DPYD: variants seen among roughly 807,000 people sequenced by gnomAD.
DPYD encodes dihydropyrimidine dehydrogenase.
Under a neutral mutation model 116.2 loss-of-function variants are expected in DPYD, and 109 were observed. The ratio of observed to expected loss-of-function variants is 0.94; its 90% CI spans 0.80 to 1.10. The LOEUF (loss-of-function observed/expected upper bound fraction) is 1.10. Ranked by LOEUF, DPYD falls within the 50% of genes least tolerant of loss-of-function variation. The pLI is 0.00. For synonymous variants in DPYD, 440 were observed against 432.0 expected (o/e 1.02, Z -0.23); for missense variants, 1,302 against 1,254.5 (o/e 1.04, Z -0.57).
At chr1:97,406,063 C>A (rs1416616404) in intron 14 of DPYD, among the ~76,000 whole-genome samples, 1 of 152,044 alleles carries the variant, frequency 6.6e-6, no homozygotes, top group African/African-American at 2.4e-5. Context: ...GACTTGTCTG[C>A]ACTGATCCTC....
At chr1:97,344,687 T>C (rs1161575423) in intron 16 of DPYD, among the ~76,000 whole-genome samples, 3 of 151,890 alleles carry the variant, frequency 2.0e-5, no homozygotes, top group Non-Finnish European at 4.4e-5. Context: ...TCACTGTTTT[T>C]TATAGTGACA....
At chr1:97,273,903 A>C (rs1664757605) in intron 18 of DPYD, among the ~76,000 whole-genome samples, 1 of 152,228 alleles carries the variant, frequency 6.6e-6, no homozygotes, top group Non-Finnish European at 1.5e-5. Context: ...ATGTATATGC[A>C]ACAAAAAGTT....
intron 14 of DPYD, among the ~76,000 whole-genome samples, chr1:97,426,964 C>A (rs1484750896): frequency 2.0e-5 from 3 of 151,932 alleles, no homozygotes; most frequent in African/African-American, 7.3e-5. Context: ...GATGTCTCTG[C>A]AAATTTCTAT....
intron 19 of DPYD, among the ~76,000 whole-genome samples, chr1:97,219,063 T>C (rs1345657557): frequency 6.6e-6 from 1 of 152,182 alleles, no homozygotes. Context: ...AGAGAAGTCC[T>C]TTAAAAAGGA....
At chr1:97,810,266 A>T (rs371368507) in intron 3 of DPYD, among the ~76,000 whole-genome samples, 1 of 144,784 alleles carries the variant, frequency 6.9e-6, no homozygotes, top group East Asian at 2.0e-4. Flanking sequence ...CAGCCTGGGC[A>T]ACAGAGTGAG....
At chr1:97,829,592 GT>G (rs370091335) in intron 2 of DPYD, among the ~76,000 whole-genome samples, 2 of 152,148 alleles carry the variant, frequency 1.3e-5, no homozygotes, top group African/African-American at 4.8e-5. Flanking sequence ...GTGTTTTTGT[GT>G]GCTGTTTAAG....
At chr1:97,713,982 T>C (rs916703404) in intron 5 of DPYD, among the ~76,000 whole-genome samples, 1 of 152,126 alleles carries the variant, frequency 6.6e-6, no homozygotes, top group Non-Finnish European at 1.5e-5. Context: ...ATTAGCTATA[T>C]ATATTAGTAA....
At chr1:97,643,906 G>A (rs1288120514) in intron 8 of DPYD, among the ~76,000 whole-genome samples, 2 of 151,906 alleles carry the variant, frequency 1.3e-5, no homozygotes, top group South Asian at 2.1e-4. Context: ...ACGCAGGGAG[G>A]GGAACATCAC....
chr1:97,189,027 T>C (rs949684889), intron 20 of DPYD, among the ~76,000 whole-genome samples: 2 of 152,216 alleles, frequency 1.3e-5, no homozygotes, highest in Admixed American at 1.3e-4. Flanking sequence ...GTCAAGTGAT[T>C]ACTAATTCTT....
chr1:97,317,743 T>C (rs920491560), intron 16 of DPYD, among the ~76,000 whole-genome samples: 5 of 151,936 alleles, frequency 3.3e-5, no homozygotes, highest in Admixed American at 1.3e-4. Context: ...GCACCCACCA[T>C]GCTGATACAT....
intron 13 of DPYD, among the ~76,000 whole-genome samples, chr1:97,483,711 C>T (rs1678451557): frequency 6.6e-6 from 1 of 152,008 alleles, no homozygotes; most frequent in Non-Finnish European, 1.5e-5. Context: ...GGGCTCCTTA[C>T]CCGTGAATGG....
rs1658490977 is a variant in DPYD at position 97,193,058 on chromosome 1, T to A, written c.2622+11A>T. On this transcript the variant is annotated intron_variant, in intron 20 of 22. Transcript: ENST00000370192. ...GTTCTCAAGAATAACACAGGAGATT[T>A]AAGCACATACCTTGTCCATGAGTTC... 1.2e-6 allele frequency: 2 copies of A among 1,613,646 alleles called. No homozygotes were observed. The highest frequency in any genetic ancestry group is 1.7e-6 in the Non-Finnish European group (2 of 1,179,736).
intron 3 of DPYD, among the ~76,000 whole-genome samples, chr1:97,803,664 G>T (rs1667945237): frequency 6.6e-6 from 1 of 151,772 alleles, no homozygotes; most frequent in South Asian, 2.1e-4. Flanking sequence ...ATTATTAAAA[G>T]ACTACAAAGT....
chr1:97,835,442 T>C (rs948656774), intron 2 of DPYD, among the ~76,000 whole-genome samples: 1 of 152,100 alleles, frequency 6.6e-6, no homozygotes, highest in African/African-American at 2.4e-5. Flanking sequence ...AGTCTGAAAG[T>C]ATGTTAATTT....
At chr1:97,302,227 T>C (rs2101025617) in intron 18 of DPYD, among the ~76,000 whole-genome samples, 1 of 152,136 alleles carries the variant, frequency 6.6e-6, no homozygotes, top group South Asian at 2.1e-4. Context: ...TTATTTAGAA[T>C]CAATGGTTTA....
At chr1:97,281,437 T>TAA (rs1665318002) in intron 18 of DPYD, among the ~76,000 whole-genome samples, 1 of 151,882 alleles carries the variant, frequency 6.6e-6, no homozygotes, top group Non-Finnish European at 1.5e-5. Context: ...TGCATATATA[T>TAA]AATTTAAATC....
chr1:97,612,742 C>T (rs1004654607), intron 8 of DPYD, among the ~76,000 whole-genome samples: 41 of 152,056 alleles, frequency 2.7e-4, no homozygotes, highest in African/African-American at 9.9e-4. Context: ...CTTCCAAAAC[C>T]TCAGGACAAA....
intron 16 of DPYD, among the ~76,000 whole-genome samples, chr1:97,358,620 G>T (rs137960769): frequency 6.6e-6 from 1 of 152,036 alleles, no homozygotes; most frequent in Non-Finnish European, 1.5e-5. Flanking sequence ...GGATCAGGTC[G>T]CAATATTTGC....
rs1324599746 is a variant in DPYD, at chr1:97,812,662, ATACTC to A, written c.233+15447_233+15451del. Among the ~76,000 whole-genome samples, 7 of 152,200 alleles carry A rather than the reference ATACTC, an allele frequency of 4.6e-5. No individual in the cohort carries two copies. The East Asian group carries it at 1.3e-3, about 29-fold the overall frequency. ...CCTAAATTATTTGGCATTTTAAAAAATACTCTATTTCTGGGCATCATCATATTTAA... is the reference window on the plus strand; with the variant it reads ...CCTAAATTATTTGGCATTTTAAAAAATATTTCTGGGCATCATCATATTTAA... On this transcript the variant is annotated intron_variant, in intron 3 of 22. Coordinates refer to ENST00000370192, the MANE Select transcript of DPYD (RefSeq NM_000110.4).
Sources: gnomAD v4.1 joint callset for allele counts (sites outside exome capture counted in the v4.1 genomes callset) on GRCh38, gnomAD v4.1.1 for gene constraint, MANE v1.5 for transcripts, NCBI Gene and HGNC (gene_info 2026-07-23, HGNC 2026-07-21) for gene names.